AGBL4: variants seen among roughly 807,000 people sequenced by gnomAD.
AGBL4 encodes cytosolic carboxypeptidase 6.
AGBL4 carries 58 observed loss-of-function variants against 66.4 expected under a neutral mutation model. That is an observed-to-expected ratio of 0.87 (90% CI 0.71 to 1.09). The LOEUF (loss-of-function observed/expected upper bound fraction) is 1.09, where lower values mean the gene tolerates loss of function less well. Ranked by LOEUF, AGBL4 falls within the 50% of genes least tolerant of loss-of-function variation. AGBL4 has a pLI of 0.00. For missense variants in AGBL4, 579 were observed against 631.0 expected (o/e 0.92, Z 0.88); for synonymous variants, 234 against 222.9 (o/e 1.05, Z -0.44).
intron 5 of AGBL4, among the ~76,000 whole-genome samples, chr1:48,944,687 A>C (rs183249505): frequency 6.6e-6 from 1 of 151,918 alleles, no homozygotes; most frequent in Admixed American, 6.6e-5. Flanking sequence ...GCCCCCCGCA[A>C]CCCTTCTCCT....
intron 5 of AGBL4, among the ~76,000 whole-genome samples, chr1:48,953,712 T>C (rs1657194002): frequency 6.6e-6 from 1 of 152,118 alleles, no homozygotes; most frequent in Non-Finnish European, 1.5e-5. Flanking sequence ...GAGGAGGTAT[T>C]AATAATGCTG....
intron 3 of AGBL4, among the ~76,000 whole-genome samples, chr1:49,542,535 C>A (rs936096473): frequency 2.6e-5 from 4 of 152,076 alleles, no homozygotes; most frequent in African/African-American, 9.7e-5. Context: ...GACCAAGAAC[C>A]CACCAATTCC....
Position 49,355,975 on chromosome 1 carries a change from A to T in AGBL4, c.283-110111T>A, listed in dbSNP as rs914996764. 2.0e-5 allele frequency among the ~76,000 whole-genome samples: 3 copies of T among 152,146 alleles called. No individual in the cohort carries two copies. The East Asian group carries it at 5.8e-4, about 29-fold the overall frequency. On this transcript the variant is annotated intron_variant, in intron 3 of 13. Transcript: ENST00000371839. ...TGTGCACTCCCTCCTCAAAAAGCCA[A>T]TTCTTTCTTAGGGGAGAGTCTTTAC...
intron 3 of AGBL4, among the ~76,000 whole-genome samples, chr1:49,652,710 T>G (rs1360005032): frequency 6.6e-6 from 1 of 152,130 alleles, no homozygotes; most frequent in Non-Finnish European, 1.5e-5. Flanking sequence ...GCACAGCAGC[T>G]GGGACAGTTC....
chr1:48,966,441 T>C (rs1468553792), intron 5 of AGBL4, among the ~76,000 whole-genome samples: 1 of 152,096 alleles, frequency 6.6e-6, no homozygotes, highest in Non-Finnish European at 1.5e-5. Flanking sequence ...TGCATGATAA[T>C]ACACACACCC....
chr1:49,448,081 A>G (rs953079288), intron 3 of AGBL4, among the ~76,000 whole-genome samples: 2 of 152,116 alleles, frequency 1.3e-5, no homozygotes, highest in Non-Finnish European at 2.9e-5. Context: ...AAATTATGAG[A>G]CCATCATGGA....
intron 10 of AGBL4, among the ~76,000 whole-genome samples, chr1:48,587,535 G>T (rs1644842394): frequency 6.6e-6 from 1 of 152,022 alleles, no homozygotes; most frequent in Non-Finnish European, 1.5e-5. Flanking sequence ...GGCTGAGGTG[G>T]AAGGATTGCT....
At chr1:48,913,743 CA>C (rs1049518588) in intron 5 of AGBL4, among the ~76,000 whole-genome samples, 3 of 152,092 alleles carry the variant, frequency 2.0e-5, no homozygotes, top group African/African-American at 7.2e-5. Flanking sequence ...ATAAAGTGCA[CA>C]AAAAATGTAA....
intron 1 of AGBL4, among the ~76,000 whole-genome samples, chr1:49,877,630 T>G (rs1023649515): frequency 6.6e-6 from 1 of 152,076 alleles, no homozygotes. Flanking sequence ...CTTTTTTGGT[T>G]GTGTCTCTGC....
intron 4 of AGBL4, among the ~76,000 whole-genome samples, chr1:49,074,414 T>C (rs1005537899): frequency 5.3e-5 from 8 of 152,082 alleles, no homozygotes; most frequent in African/African-American, 1.9e-4. Flanking sequence ...GTCCAACCAG[T>C]CCCAATGAGA....
At chr1:49,581,703 C>G (rs970085444) in intron 3 of AGBL4, among the ~76,000 whole-genome samples, 1 of 152,120 alleles carries the variant, frequency 6.6e-6, no homozygotes, top group Non-Finnish European at 1.5e-5. Context: ...GCCAGATGGA[C>G]CCTTCAGGTT....
intron 5 of AGBL4, among the ~76,000 whole-genome samples, chr1:48,867,452 G>A (rs1350214863): frequency 7.2e-6 from 1 of 139,498 alleles, no homozygotes; most frequent in South Asian, 2.6e-4. Context: ...GGTGGTTAGA[G>A]CTTAGAGGTC....
chr1:48,622,817 T>C (rs746501633), intron 9 of AGBL4, among the ~76,000 whole-genome samples: 1 of 152,148 alleles, frequency 6.6e-6, no homozygotes, highest in African/African-American at 2.4e-5. Context: ...AATAGTTAAA[T>C]TTTTTTGAGA....
chr1:49,256,573 G>A (rs1321082921), intron 3 of AGBL4, among the ~76,000 whole-genome samples: 8 of 152,196 alleles, frequency 5.3e-5, no homozygotes, highest in South Asian at 2.1e-4. Flanking sequence ...GACATAGATC[G>A]AAGATTCATT....
intron 3 of AGBL4, among the ~76,000 whole-genome samples, chr1:49,614,219 T>C (rs1645208275): frequency 6.6e-6 from 1 of 152,212 alleles, no homozygotes; most frequent in Non-Finnish European, 1.5e-5. Context: ...GGGCACTACC[T>C]TCCTGCCAAG....
chr1:48,602,600 C>A (rs1165770215), intron 9 of AGBL4, among the ~76,000 whole-genome samples: 1 of 152,136 alleles, frequency 6.6e-6, no homozygotes, highest in Non-Finnish European at 1.5e-5. Flanking sequence ...TGGCAGAGTG[C>A]ACATCACTAC....
intron 3 of AGBL4, among the ~76,000 whole-genome samples, chr1:49,661,025 G>A (rs1646259536): frequency 6.6e-6 from 1 of 152,014 alleles, no homozygotes; most frequent in Non-Finnish European, 1.5e-5. Context: ...TAGGTGATGG[G>A]TTGATAAGTG....
At chr1:48,752,173 T>C (rs1651848292) in intron 6 of AGBL4, among the ~76,000 whole-genome samples, 1 of 152,194 alleles carries the variant, frequency 6.6e-6, no homozygotes, top group South Asian at 2.1e-4. Context: ...AAAATGGCTC[T>C]TGTCCACCCG....
intron 6 of AGBL4, among the ~76,000 whole-genome samples, chr1:48,791,079 C>G (rs1645538690): frequency 6.6e-6 from 1 of 152,146 alleles, no homozygotes; most frequent in Non-Finnish European, 1.5e-5. Flanking sequence ...CTATAAATTA[C>G]CTAGTCTGTG....
Sources: allele counts gnomAD v4.1 joint callset (sites outside exome capture counted in the v4.1 genomes callset), GRCh38; gene constraint gnomAD v4.1.1; transcripts MANE v1.5; gene names NCBI Gene and HGNC (gene_info 2026-07-23, HGNC 2026-07-21).